The following PCDHB12 variants were observed in gnomAD, a reference collection of about 807,000 sequenced individuals.
PCDHB12 encodes the protein protocadherin beta 12.
For synonymous variants in PCDHB12, 560 were observed against 445.2 expected, an observed-to-expected ratio of 1.26 and a Z score of -3.24; for missense variants, 1,192 against 998.2, an observed-to-expected ratio of 1.19 and a Z score of -2.62.
rs528485275 is a variant in PCDHB12 at position 141,210,995 on chromosome 5, A to T, written c.2088A>T (p.Ser696=). The change falls in exon 1 of 1, where the codon TCA becomes TCT. Residue 696 remains serine, a synonymous_variant. Coordinates refer to ENST00000239450, the MANE Select transcript of PCDHB12 (RefSeq NM_018932.4). The part of the protein sequence containing the change: ...LTVYLVVALA[S]VSSLFLFSVL... ...TCTACCTGGTGGTGGCGTTGGCCTC[A>T]GTGTCGTCGCTCTTCCTCTTCTCGG... 3 of 1,610,826 alleles carry T rather than the reference A, an allele frequency of 1.9e-6. No homozygotes were observed. The highest frequency in any genetic ancestry group is 2.5e-6 in the Non-Finnish European group (3 of 1,179,702).
chr5:141,211,213 C>T lies in PCDHB12; in HGVS notation c.2306C>T (p.Pro769Leu), dbSNP rs782530493. 3 of 1,614,088 alleles carry T rather than the reference C, an allele frequency of 1.9e-6. No homozygotes were observed. The highest frequency in any genetic ancestry group is 1.7e-6 in the Non-Finnish European group (2 of 1,179,952). Residue 769 changes from proline to leucine, a missense_variant, in exon 1 of 1, where the codon CCA (proline) becomes CTA (leucine). Coordinates refer to ENST00000239450, the MANE Select transcript of PCDHB12 (RefSeq NM_018932.4). ...TCAAATAAGTTCAAATTTCTGAAAC[C>T]AATTATCCCCAACTTCCTACCCCAG... ...SRSNKFKFLK[P>L]IIPNFLPQST...
chr5:141,209,695 C>A lies in PCDHB12; in HGVS notation c.788C>A (p.Thr263Asn), dbSNP rs782250005. The A allele has an allele frequency of 2.5e-5, 41 of 1,614,092 alleles. No individual in the cohort carries two copies. The East Asian group carries it at 9.1e-4, about 36-fold the overall frequency. Residue 263 changes from threonine to asparagine, a missense_variant, in exon 1 of 1, where the codon ACC (threonine) becomes AAC (asparagine). Transcript: ENST00000239450. ...AGCATCCTTGGCTCCCTGGTTGTGA[C>A]CGTCTCAGCCTGGGATTTAGACTCT... ...ENSILGSLVV[T>N]VSAWDLDSGT...
Position 141,211,584 on chromosome 5 carries a change from T to G in PCDHB12, c.*289T>G, listed in dbSNP as rs1754463684. On this transcript the variant is annotated 3_prime_UTR_variant, in exon 1 of 1. Transcript: ENST00000239450. ...AAATTGCTTTCCATTGTTTTCAATA[T>G]TTACTGTGACTTTTGTTTTCTGAGT... 2.4e-6 allele frequency: 1 copy of G among 423,498 alleles called. No homozygotes were observed. Among genetic ancestry groups the G allele is most frequent in the East Asian group, 5.4e-5 (1 of 18,420 alleles). 26.2% of individuals were successfully genotyped at this position (423,498 alleles called of 1,614,324 possible).
chr5:141,209,360 G>A lies in PCDHB12; in HGVS notation c.453G>A (p.Val151=), dbSNP rs1554286644. The A allele has an allele frequency of 1.4e-5, 22 of 1,614,110 alleles. No individual in the cohort carries two copies. The highest frequency in any genetic ancestry group is 1.7e-5 in the Admixed American group (1 of 60,012). The change falls in exon 1 of 1, where the codon GTG becomes GTA. Residue 151 remains valine (V), a synonymous_variant. Coordinates refer to ENST00000239450, the MANE Select transcript of PCDHB12 (RefSeq NM_018932.4). Reference sequence around the variant, plus strand: ...CAGAGAACAGTCCTGTTGGTGCTGTGTTCTTGCTTGAAAGTGCAAAGGATT... The same window carrying A: ...CAGAGAACAGTCCTGTTGGTGCTGTATTCTTGCTTGAAAGTGCAAAGGATT... ...EIPENSPVGA[V]FLLESAKDLD...
At position 141,211,631 on chromosome 5, in the gene PCDHB12, A is replaced by C. The variant is rs1754464808; in HGVS notation, c.*336A>C. The C allele has an allele frequency of 9.3e-6, 3 of 322,676 alleles. No individual in the cohort carries two copies. 20.0% of individuals were successfully genotyped at this position (322,676 alleles called of 1,614,324 possible). A position where few individuals can be genotyped will look rare whatever the true frequency, so the allele number is the denominator to read the frequency against. On this transcript the variant is annotated 3_prime_UTR_variant, in exon 1 of 1. Coordinates refer to ENST00000239450, the MANE Select transcript of PCDHB12 (RefSeq NM_018932.4). ...GAGTTGATTAGAATGCTGTTCGAGTATACCTACCCTAGTTTCAGAAGCATA... is the reference window on the plus strand; with the variant it reads ...GAGTTGATTAGAATGCTGTTCGAGTCTACCTACCCTAGTTTCAGAAGCATA...
Position 141,211,300 on chromosome 5 carries a change from G to T in PCDHB12, c.*5G>T. 6.3e-7 allele frequency: 1 copy of T among 1,575,298 alleles called. No homozygotes were observed. Among genetic ancestry groups the T allele is most frequent in the Non-Finnish European group, 8.6e-7 (1 of 1,165,654 alleles). On this transcript the variant is annotated 3_prime_UTR_variant, in exon 1 of 1. Transcript: ENST00000239450. ...CAGAATAATTTGGGTTTCTGATAAA[G>T]AATGAAAAATAAAACCTGTGTTTAT...
In PCDHB12 at chr5:141,209,066, A is replaced by T. The variant is rs1254962984; in HGVS notation, c.159A>T (p.Gly53=). ...SFVGNLAKTL[G]LEVSELSSRG... is the part of the protein sequence containing the mutation. Reference sequence around the variant, plus strand: ...TAGGAAATTTGGCAAAGACCCTGGGACTCGAGGTGAGTGAGCTGTCTTCGC... The same window carrying T: ...TAGGAAATTTGGCAAAGACCCTGGGTCTCGAGGTGAGTGAGCTGTCTTCGC... Residue 53 remains glycine (G), a synonymous_variant, in exon 1 of 1, where the codon GGA becomes GGT. Coordinates refer to ENST00000239450, the MANE Select transcript of PCDHB12 (RefSeq NM_018932.4). 1 of 1,612,448 alleles carries T rather than the reference A, an allele frequency of 6.2e-7. No individual in the cohort carries two copies. Among genetic ancestry groups the T allele is most frequent in the Non-Finnish European group, 8.5e-7 (1 of 1,179,032 alleles).
Position 141,209,412 on chromosome 5 carries a change from AG to A in PCDHB12, c.506del (p.Ser169ThrfsTer4). 6.2e-7 allele frequency: 1 copy of A among 1,614,224 alleles called. No homozygotes were observed. The highest frequency in any genetic ancestry group is 8.5e-7 in the Non-Finnish European group (1 of 1,180,044). ...DLDVGINAVK[S>X]YTINPNSHFH... Reference sequence around the variant, plus strand: ...AGATGTAGGAATCAATGCTGTAAAAAGCTACACAATAAATCCGAACTCTCAT... The same window carrying A: ...AGATGTAGGAATCAATGCTGTAAAAACTACACAATAAATCCGAACTCTCAT... On this transcript the variant is annotated frameshift_variant, in exon 1 of 1. Coordinates refer to ENST00000239450, the MANE Select transcript of PCDHB12 (RefSeq NM_018932.4). LOFTEE classifies it low-confidence loss of function (END_TRUNC).
In PCDHB12 at chr5:141,210,482, G is replaced by C; in HGVS notation, c.1575G>C (p.Gln525His). The C allele has an allele frequency of 6.2e-7, 1 of 1,612,738 alleles. No homozygotes were observed. The highest frequency in any genetic ancestry group is 8.5e-7 in the Non-Finnish European group (1 of 1,179,872). ...ALRSLDYEAL[Q>H]GFQFRVGATD... ...GGTCGCTGGACTACGAGGCCCTGCA[G>C]GGGTTCCAGTTCCGCGTGGGCGCCA... Residue 525 changes from glutamine (Q) to histidine (H), a missense_variant, in exon 1 of 1, where the codon CAG becomes CAC. Physicochemically the swap from Gln to His is conservative, Grantham distance 24. Coordinates refer to ENST00000239450, the MANE Select transcript of PCDHB12 (RefSeq NM_018932.4).
At position 141,209,682 on chromosome 5, in the gene PCDHB12, TC is replaced by T; in HGVS notation, c.778del (p.Leu260TrpfsTer3). On this transcript the variant is annotated frameshift_variant, in exon 1 of 1. Coordinates refer to ENST00000239450, the MANE Select transcript of PCDHB12 (RefSeq NM_018932.4). LOFTEE classifies it low-confidence loss of function (END_TRUNC). ...VKILENSILG[S>X]LVVTVSAWDL... ...GATTCTGGAGAATAGCATCCTTGGC[TC>T]CCTGGTTGTGACCGTCTCAGCCTGG... The T allele has an allele frequency of 6.2e-7, 1 of 1,614,206 alleles. No homozygotes were observed. The highest frequency in any genetic ancestry group is 1.3e-5 in the African/African-American group (1 of 75,056).
At position 141,210,249 on chromosome 5, in the gene PCDHB12, G is replaced by C; in HGVS notation, c.1342G>C (p.Ala448Pro). 6.2e-7 allele frequency: 1 copy of C among 1,614,024 alleles called. No homozygotes were observed. Among genetic ancestry groups the C allele is most frequent in the South Asian group, 1.1e-5 (1 of 91,062 alleles). ...TVLVSDVNDN[A>P]PAFTQTSYAL... Reference sequence around the variant, plus strand: ...GCTGGTCTCCGACGTCAATGACAACGCCCCCGCCTTCACCCAAACTTCCTA... The same window carrying C: ...GCTGGTCTCCGACGTCAATGACAACCCCCCCGCCTTCACCCAAACTTCCTA... Residue 448 changes from alanine (A) to proline (P), a missense_variant, in exon 1 of 1, where the codon GCC (alanine) becomes CCC (proline). Transcript: ENST00000239450.
rs782157386 is a variant in PCDHB12 at position 141,211,096 on chromosome 5, G to A, written c.2189G>A (p.Gly730Asp). The A allele has an allele frequency of 1.9e-6, 3 of 1,613,992 alleles. No homozygotes were observed. Reference protein sequence around the residue: ...APVGRCSVPEGPFPGHLVDVS... With the variant: ...APVGRCSVPEDPFPGHLVDVS... ...GTCGGTCGCTGCTCGGTGCCTGAGGGCCCCTTTCCAGGACATCTGGTGGAC... is the reference window on the plus strand; with the variant it reads ...GTCGGTCGCTGCTCGGTGCCTGAGGACCCCTTTCCAGGACATCTGGTGGAC... The change falls in exon 1 of 1, where the codon GGC (glycine) becomes GAC (aspartate). Residue 730 changes from glycine to aspartate, a missense_variant. Physicochemically the swap from Gly to Asp is moderately conservative, Grantham distance 94. Coordinates refer to ENST00000239450, the MANE Select transcript of PCDHB12 (RefSeq NM_018932.4).
In PCDHB12 at chr5:141,209,574, T is replaced by G. The variant is rs1416171179; in HGVS notation, c.667T>G (p.Ser223Ala). 10 of 1,614,092 alleles carry G rather than the reference T, an allele frequency of 6.2e-6. No individual in the cohort carries two copies. Among genetic ancestry groups the G allele is most frequent in the Non-Finnish European group, 8.5e-6 (10 of 1,180,028 alleles). The change falls in exon 1 of 1, where the codon TCT becomes GCT. Residue 223 changes from serine to alanine, a missense_variant. By Grantham distance (99) the Ser-to-Ala change is moderately conservative (BLOSUM62 1). Coordinates refer to ENST00000239450, the MANE Select transcript of PCDHB12 (RefSeq NM_018932.4). ...TALDGGSPPRSGTALVRVVVV... is the reference protein window; with the variant it reads ...TALDGGSPPRAGTALVRVVVV... ...TCTGGATGGCGGGTCCCCTCCCAGG[T>G]CTGGAACTGCCTTGGTCAGGGTGGT...
Position 141,210,165 on chromosome 5 carries a change from A to G in PCDHB12, c.1258A>G (p.Thr420Ala), listed in dbSNP as rs781957336. 3.1e-6 allele frequency: 5 copies of G among 1,613,946 alleles called. No homozygotes were observed. Among genetic ancestry groups the G allele is most frequent in the Non-Finnish European group, 8.5e-7 (1 of 1,179,960 alleles). Residue 420 changes from threonine (T) to alanine (A), a missense_variant, in exon 1 of 1, where the codon ACC (threonine) becomes GCC (alanine). Thr to Ala is a moderately conservative substitution (Grantham distance 58). Transcript: ENST00000239450. ...AGAGAGCAGAGCCGAGTACAACATC[A>G]CCATCACCGTCACCGACTTGGGGAC... The part of the protein sequence containing the change: ...DRESRAEYNI[T>A]ITVTDLGTPR...
At position 141,210,851 on chromosome 5, in the gene PCDHB12, C is replaced by T. The variant is rs782064771; in HGVS notation, c.1944C>T (p.Gly648=). 1.2e-6 allele frequency: 2 copies of T among 1,602,580 alleles called. No homozygotes were observed. Among genetic ancestry groups the T allele is most frequent in the Non-Finnish European group, 8.5e-7 (1 of 1,179,092 alleles). The change falls in exon 1 of 1, where the codon GGC becomes GGT. Residue 648 remains glycine (G), a synonymous_variant. Transcript: ENST00000239450. ...HRLVVLVKDN[G]EPPRSATATL... Reference sequence around the variant, plus strand: ...TGGTGGTGCTGGTCAAGGACAATGGCGAGCCTCCGCGCTCGGCCACCGCCA... The same window carrying T: ...TGGTGGTGCTGGTCAAGGACAATGGTGAGCCTCCGCGCTCGGCCACCGCCA...
chr5:141,212,433 T>G lies in PCDHB12; in HGVS notation c.*1138T>G, dbSNP rs1400289183. 6.6e-6 allele frequency: 1 copy of G among 152,406 alleles called. No homozygotes were observed. Among genetic ancestry groups the G allele is most frequent in the Non-Finnish European group, 1.5e-5 (1 of 67,984 alleles). The allele number at this position is 152,406 out of a possible 1,614,324, so 9.4% of individuals were successfully genotyped here. A position where few individuals can be genotyped will look rare whatever the true frequency, so the allele number is the denominator to read the frequency against. On this transcript the variant is annotated 3_prime_UTR_variant, in exon 1 of 1. Coordinates refer to ENST00000239450, the MANE Select transcript of PCDHB12 (RefSeq NM_018932.4). Reference sequence around the variant, plus strand: ...ATGATCATTAAATTTTTAGAAATTTTGGGGAGTTAAGGAGAAGCATTGTTT... The same window carrying G: ...ATGATCATTAAATTTTTAGAAATTTGGGGGAGTTAAGGAGAAGCATTGTTT...
rs1554286657 is a variant in PCDHB12, at chr5:141,209,422, T to C, written c.515T>C (p.Ile172Thr). ...VGINAVKSYT[I>T]NPNSHFHVKI... ...ATCAATGCTGTAAAAAGCTACACAATAAATCCGAACTCTCATTTCCACGTT... is the reference window on the plus strand; with the variant it reads ...ATCAATGCTGTAAAAAGCTACACAACAAATCCGAACTCTCATTTCCACGTT... The change falls in exon 1 of 1, where the codon ATA (isoleucine) becomes ACA (threonine). Residue 172 changes from isoleucine to threonine, a missense_variant. Transcript: ENST00000239450. 1 of 1,614,018 alleles carries C rather than the reference T, an allele frequency of 6.2e-7. No homozygotes were observed. The highest frequency in any genetic ancestry group is 8.5e-7 in the Non-Finnish European group (1 of 1,180,014).
chr5:141,210,550 G>A lies in PCDHB12; in HGVS notation c.1643G>A (p.Arg548His), dbSNP rs1334064324. ...GCTTTGAGCAGCGAGGCGCTGGTGC[G>A]CGTGCTGGTGCTGGACGCCAACGAC... ...SPALSSEALVRVLVLDANDNS... is the reference protein window; with the variant it reads ...SPALSSEALVHVLVLDANDNS... The change falls in exon 1 of 1, where the codon CGC becomes CAC. Residue 548 changes from arginine (R) to histidine (H), a missense_variant. By Grantham distance (29) the Arg-to-His change is conservative. Transcript: ENST00000239450. 1.2e-6 allele frequency: 2 copies of A among 1,611,698 alleles called. No homozygotes were observed. Among genetic ancestry groups the A allele is most frequent in the Non-Finnish European group, 1.7e-6 (2 of 1,179,718 alleles).
In PCDHB12 at chr5:141,210,537, G is replaced by T. The variant is rs782223453; in HGVS notation, c.1630G>T (p.Glu544Ter). The part of the protein sequence containing the change: ...TDHGSPALSS[E>*]ALVRVLVLDA... ...CCACGGCTCCCCGGCTTTGAGCAGC[G>T]AGGCGCTGGTGCGCGTGCTGGTGCT... The change falls in exon 1 of 1, where the codon GAG becomes TAG. Residue 544 changes from glutamate to a stop codon, truncating the protein, a stop_gained. Coordinates refer to ENST00000239450, the MANE Select transcript of PCDHB12 (RefSeq NM_018932.4). LOFTEE classifies it low-confidence loss of function (END_TRUNC). 1.9e-6 allele frequency: 3 copies of T among 1,611,980 alleles called. No individual in the cohort carries two copies. Among genetic ancestry groups the T allele is most frequent in the South Asian group, 2.2e-5 (2 of 90,990 alleles).
Sources: gnomAD v4.1 joint callset for allele counts on GRCh38, gnomAD v4.1.1 for gene constraint, MANE v1.5 for transcripts, NCBI Gene and HGNC (gene_info 2026-07-23, HGNC 2026-07-21) for gene names.